Variants in KIAA1328 observed in about 807,000 individuals in gnomAD.
The protein encoded by KIAA1328 is KIAA1328.
In KIAA1328, 52 loss-of-function variants were observed where a neutral mutation model predicts 68.1. That is an observed-to-expected ratio of 0.76 (90% CI 0.61 to 0.96). KIAA1328 has a LOEUF of 0.96. KIAA1328 is among the 40% of genes least tolerant of loss of function. The probability of loss-of-function intolerance (pLI) is 0.00; values close to 1 mark genes in which losing one functional copy is unlikely to be tolerated. For missense variants in KIAA1328, 641 were observed against 677.6 expected, an observed-to-expected ratio of 0.95 and a Z score of 0.60; for synonymous variants, 232 against 239.4, an observed-to-expected ratio of 0.97 and a Z score of 0.28.
At chr18:36,991,775 G>A (rs952133408) in intron 6 of KIAA1328, among the ~76,000 whole-genome samples, 9 of 152,070 alleles carry the variant, frequency 5.9e-5, no homozygotes, top group African/African-American at 1.7e-4. Flanking sequence ...CTCTCTCCTC[G>A]TGTAGCGTCT....
At chr18:36,939,613 A>T (rs1358436123) in intron 5 of KIAA1328, among the ~76,000 whole-genome samples, 2 of 152,114 alleles carry the variant, frequency 1.3e-5, no homozygotes, top group Non-Finnish European at 2.9e-5. Context: ...TCTGGCTATA[A>T]CTTCCAGCAC....
At chr18:36,880,440 G>A (rs1332483594) in intron 4 of KIAA1328, among the ~76,000 whole-genome samples, 1 of 152,202 alleles carries the variant, frequency 6.6e-6, no homozygotes, top group Non-Finnish European at 1.5e-5. Flanking sequence ...CACTGGAGCT[G>A]CAGACCAGAG....
chr18:36,871,275 A>G (rs1003535580), intron 4 of KIAA1328, among the ~76,000 whole-genome samples: 4 of 152,224 alleles, frequency 2.6e-5, no homozygotes, highest in Admixed American at 2.6e-4. Context: ...TCTGCTCGCT[A>G]TCAAGTATGG....
At chr18:36,884,899 C>G (rs1202686096) in intron 4 of KIAA1328, among the ~76,000 whole-genome samples, 2 of 151,930 alleles carry the variant, frequency 1.3e-5, no homozygotes, top group Non-Finnish European at 2.9e-5. Flanking sequence ...GAAGTCATCC[C>G]TTTTTGGTAT....
At chr18:36,839,081 G>A (rs2150783811) in intron 3 of KIAA1328, among the ~76,000 whole-genome samples, 1 of 152,208 alleles carries the variant, frequency 6.6e-6, no homozygotes, top group East Asian at 1.9e-4. Context: ...GGTTTGTTGA[G>A]CTTTTTGGGA....
intron 5 of KIAA1328, among the ~76,000 whole-genome samples, chr18:36,947,510 C>T (rs937177750): frequency 6.6e-6 from 1 of 152,060 alleles, no homozygotes; most frequent in Non-Finnish European, 1.5e-5. Flanking sequence ...GGGAGTTGGT[C>T]AAAAGAGTTA....
intron 9 of KIAA1328, among the ~76,000 whole-genome samples, chr18:37,211,957 A>G (rs1299307811): frequency 1.3e-5 from 2 of 152,208 alleles, no homozygotes; most frequent in African/African-American, 2.4e-5. Context: ...AAAGCAGCAG[A>G]TTATTTTCTC....
At chr18:36,853,744 C>T (rs1331847435) in intron 4 of KIAA1328, among the ~76,000 whole-genome samples, 5 of 152,064 alleles carry the variant, frequency 3.3e-5, no homozygotes, top group African/African-American at 9.7e-5. Context: ...CTGCAACCTC[C>T]GTCTTCTGGG....
intron 7 of KIAA1328, among the ~76,000 whole-genome samples, chr18:37,155,995 G>C (rs551499980): frequency 4.9e-4 from 74 of 152,276 alleles, no homozygotes; most frequent in Admixed American, 4.8e-3. Context: ...AAAGTTAGGT[G>C]CCTTGCCCTT....
intron 7 of KIAA1328, chr18:37,084,274 T>G: frequency 8.4e-7 from 1 of 1,190,242 alleles, no homozygotes; most frequent in Non-Finnish European, 1.1e-6. Context: ...CTTAAGGGCA[T>G]AAATATTTAG....
chr18:37,198,437 A>T (rs1354963336), intron 9 of KIAA1328, among the ~76,000 whole-genome samples: 2 of 152,304 alleles, frequency 1.3e-5, no homozygotes, highest in Non-Finnish European at 2.9e-5. Flanking sequence ...TAAAAAATCT[A>T]TTGGATTTAG....
At chr18:37,027,569 C>G (rs776756909) in intron 6 of KIAA1328, among the ~76,000 whole-genome samples, 8 of 152,198 alleles carry the variant, frequency 5.3e-5, no homozygotes, top group Non-Finnish European at 7.3e-5. Flanking sequence ...TACCACATAT[C>G]TACAGCCATC....
At chr18:36,852,960 T>C (rs1358332326) in intron 4 of KIAA1328, among the ~76,000 whole-genome samples, 1 of 152,230 alleles carries the variant, frequency 6.6e-6, no homozygotes, top group Non-Finnish European at 1.5e-5. Context: ...GCTATGTTAA[T>C]ATTTTCATAT....
chr18:36,865,395 AG>A (rs1403292935), intron 4 of KIAA1328, among the ~76,000 whole-genome samples: 29 of 152,112 alleles, frequency 1.9e-4, no homozygotes, highest in African/African-American at 6.5e-4. Flanking sequence ...TTTCTAGCTT[AG>A]TTCTATTATG....
At chr18:37,089,009 A>G (rs938030058) in intron 7 of KIAA1328, among the ~76,000 whole-genome samples, 1 of 152,194 alleles carries the variant, frequency 6.6e-6, no homozygotes, top group African/African-American at 2.4e-5. Flanking sequence ...ACATGTGTAT[A>G]TATTTGAAAT....
At chr18:37,156,625 G>A (rs1467575880) in intron 7 of KIAA1328, among the ~76,000 whole-genome samples, 1 of 151,952 alleles carries the variant, frequency 6.6e-6, no homozygotes, top group Admixed American at 6.6e-5. Flanking sequence ...TGATTGATTA[G>A]GAAATTTATT....
intron 7 of KIAA1328, among the ~76,000 whole-genome samples, chr18:37,096,536 A>G (rs186378678): frequency 5.8e-4 from 88 of 152,316 alleles, no homozygotes; most frequent in African/African-American, 2.0e-3. Context: ...CACAATAAAC[A>G]TATGTGTGCA....
At chr18:36,850,640 C>A (rs957146237) in intron 4 of KIAA1328, among the ~76,000 whole-genome samples, 1 of 152,026 alleles carries the variant, frequency 6.6e-6, no homozygotes, top group South Asian at 2.1e-4. Context: ...TGCTGTGGAG[C>A]CATTATTTAC....
intron 7 of KIAA1328, among the ~76,000 whole-genome samples, chr18:37,102,528 T>C (rs77934834): frequency 0.013 from 2,038 of 152,162 alleles, 45 homozygotes; most frequent in African/African-American, 0.047. Context: ...TAAAATTTGA[T>C]ATATCTCATT....
Sources: gnomAD v4.1 joint callset for allele counts (sites outside exome capture counted in the v4.1 genomes callset) on GRCh38, gnomAD v4.1.1 for gene constraint, MANE v1.5 for transcripts, NCBI Gene and HGNC (gene_info 2026-07-23, HGNC 2026-07-21) for gene names.